Variants in GALNT17 observed in about 807,000 individuals in gnomAD.
GALNT17 encodes the protein polypeptide N-acetylgalactosaminyltransferase 17, also known as UDP-GalNAc:polypeptide N-acetylgalactosaminyltransferase-like 3.
GALNT17 carries 29 observed loss-of-function variants against 63.7 expected under a neutral mutation model. That is an observed-to-expected ratio of 0.46 (90% CI 0.34 to 0.62). GALNT17 has a LOEUF of 0.62. Among genes scored for constraint, GALNT17 ranks in the 20% least tolerant of loss-of-function variants. The probability of loss-of-function intolerance (pLI) is 0.01; values close to 1 mark genes in which losing one functional copy is unlikely to be tolerated. For synonymous variants in GALNT17, 305 were observed against 318.3 expected, an observed-to-expected ratio of 0.96 and a Z score of 0.45; for missense variants, 603 against 799.6, an observed-to-expected ratio of 0.75 and a Z score of 2.97.
chr7:71,223,337 A>G (rs1221671450), intron 1 of GALNT17, among the ~76,000 whole-genome samples: 1 of 152,042 alleles, frequency 6.6e-6, no homozygotes, highest in African/African-American at 2.4e-5. Flanking sequence ...CTTCTATCCC[A>G]GTTATTTGTT....
chr7:71,171,537 G>A (rs935301214), intron 1 of GALNT17, among the ~76,000 whole-genome samples: 2 of 152,050 alleles, frequency 1.3e-5, no homozygotes, highest in African/African-American at 2.4e-5. Flanking sequence ...AATATGAAAC[G>A]TAAAACAAAT....
intron 1 of GALNT17, among the ~76,000 whole-genome samples, chr7:71,148,814 T>G (rs1446086968): frequency 2.0e-5 from 3 of 147,602 alleles, no homozygotes; most frequent in Non-Finnish European, 4.5e-5. Flanking sequence ...ATCTTATAGT[T>G]GAAGGCATCT....
At chr7:71,701,809 AT>A (rs1791641055) in intron 9 of GALNT17, among the ~76,000 whole-genome samples, 1 of 34,102 alleles carries the variant, frequency 2.9e-5, no homozygotes, top group Non-Finnish European at 8.9e-5. Flanking sequence ...GTGTGTATAT[AT>A]ATATACACAT....
chr7:71,554,859 C>T (rs1354541399), intron 5 of GALNT17, among the ~76,000 whole-genome samples: 1 of 152,206 alleles, frequency 6.6e-6, no homozygotes, highest in African/African-American at 2.4e-5. Context: ...GGAGAATTAG[C>T]TTCTGTGTGT....
intron 1 of GALNT17, among the ~76,000 whole-genome samples, chr7:71,330,122 C>T (rs945659828): frequency 2.0e-5 from 3 of 150,892 alleles, no homozygotes; most frequent in Non-Finnish European, 3.0e-5. Flanking sequence ...AAATGATTCT[C>T]CTGCCTCAAC....
At chr7:71,286,643 G>C (rs1028683951) in intron 1 of GALNT17, among the ~76,000 whole-genome samples, 1 of 152,168 alleles carries the variant, frequency 6.6e-6, no homozygotes, top group South Asian at 2.1e-4. Flanking sequence ...ACCCACGATC[G>C]ATGCTAGCTC....
At chr7:71,441,324 G>A (rs565242527) in intron 5 of GALNT17, among the ~76,000 whole-genome samples, 12 of 152,044 alleles carry the variant, frequency 7.9e-5, no homozygotes, top group East Asian at 5.8e-4. Context: ...CATGAGTACC[G>A]ATATCAGAGC....
At chr7:71,262,196 C>G (rs1790397223) in intron 1 of GALNT17, among the ~76,000 whole-genome samples, 2 of 152,258 alleles carry the variant, frequency 1.3e-5, no homozygotes, top group South Asian at 4.1e-4. Flanking sequence ...ACTGCAGCTT[C>G]AAACTCCTGG....
chr7:71,410,761 G>T (rs1227633715), intron 3 of GALNT17, among the ~76,000 whole-genome samples: 1 of 152,122 alleles, frequency 6.6e-6, no homozygotes, highest in Non-Finnish European at 1.5e-5. Context: ...CATGAGCCTG[G>T]ATGACATGTG....
chr7:71,495,108 A>G (rs1323183294), intron 5 of GALNT17, among the ~76,000 whole-genome samples: 1 of 152,044 alleles, frequency 6.6e-6, no homozygotes, highest in Non-Finnish European at 1.5e-5. Context: ...CCCTGTCTCT[A>G]CTAAAAAAAA....
intron 1 of GALNT17, among the ~76,000 whole-genome samples, chr7:71,162,148 C>CCTTCCTTCCTTCCTTCCTTCCATCCTTT (rs1788360473): frequency 7.9e-6 from 1 of 126,214 alleles, no homozygotes; most frequent in African/African-American, 3.2e-5. Flanking sequence ...TTCCTTCCTT[C>CCTTCCTTCCTTCCTTCCTTCCATCCTTT]CTTCCTTCCT....
intron 1 of GALNT17, among the ~76,000 whole-genome samples, chr7:71,142,528 C>T (rs1432019503): frequency 4.6e-5 from 7 of 152,180 alleles, no homozygotes; most frequent in South Asian, 4.1e-4. Flanking sequence ...TTCCTTGCCG[C>T]GAGGCGTAGA....
At chr7:71,525,444 G>A (rs146604179) in intron 5 of GALNT17, among the ~76,000 whole-genome samples, 10,519 of 152,158 alleles carry the variant, frequency 0.069, 390 homozygotes, top group African/African-American at 0.089. Flanking sequence ...CCAACCTCAT[G>A]ATCTGCCCTC....
chr7:71,504,226 C>CA (rs573686607), intron 5 of GALNT17, among the ~76,000 whole-genome samples: 2,050 of 105,110 alleles, frequency 0.02, 39 homozygotes, highest in African/African-American at 0.028. Flanking sequence ...GACTCCATCT[C>CA]AAAAAAAAAA....
intron 5 of GALNT17, among the ~76,000 whole-genome samples, chr7:71,534,203 G>A (rs186856988): frequency 3.3e-5 from 5 of 152,166 alleles, no homozygotes; most frequent in African/African-American, 7.2e-5. Context: ...GGGAGGCCTC[G>A]GGAAACTTAC....
intron 9 of GALNT17, among the ~76,000 whole-genome samples, chr7:71,687,729 A>T (rs900816741): frequency 3.3e-5 from 5 of 152,094 alleles, no homozygotes; most frequent in Non-Finnish European, 5.9e-5. Context: ...CTTTTTAAAA[A>T]TTTTTTTATT....
chr7:71,303,354 C>A (rs1003623061), intron 1 of GALNT17, among the ~76,000 whole-genome samples: 4 of 152,008 alleles, frequency 2.6e-5, no homozygotes, highest in Admixed American at 2.6e-4. Context: ...GGGATCTCGC[C>A]ATGTTGTCCA....
chr7:71,430,939 T>A (rs1325806776), intron 5 of GALNT17, among the ~76,000 whole-genome samples: 7 of 152,122 alleles, frequency 4.6e-5, no homozygotes, highest in Non-Finnish European at 1.0e-4. Flanking sequence ...CCAGCAGGGA[T>A]AGTATTGGTA....
At chr7:71,450,008 C>T (rs944065915) in intron 5 of GALNT17, among the ~76,000 whole-genome samples, 3 of 147,876 alleles carry the variant, frequency 2.0e-5, no homozygotes, top group Non-Finnish European at 4.4e-5. Context: ...TGCCATCGCA[C>T]TCCAGCCTGG....
Sources: gnomAD v4.1 joint callset for allele counts (sites outside exome capture counted in the v4.1 genomes callset) on GRCh38, gnomAD v4.1.1 for gene constraint, MANE v1.5 for transcripts, NCBI Gene and HGNC (gene_info 2026-07-23, HGNC 2026-07-21) for gene names.